The following RAP1GAP2 variants were observed in gnomAD, a reference collection of about 807,000 sequenced individuals.
The protein encoded by RAP1GAP2 is RAP1 GTPase activating protein 2.
A neutral mutation model predicts 95.0 loss-of-function variants in RAP1GAP2; 27 were observed. The observed-to-expected ratio is 0.28, with a 90% confidence interval of 0.21 to 0.39. RAP1GAP2 has a LOEUF of 0.39. Ranked by LOEUF, RAP1GAP2 falls within the 10% of genes least tolerant of loss-of-function variation. The pLI, the probability that RAP1GAP2 is intolerant of heterozygous loss-of-function variation, is 1.00. For synonymous variants in RAP1GAP2, 373 were observed against 380.9 expected, an observed-to-expected ratio of 0.98 and a Z score of 0.24; for missense variants, 771 against 970.0, an observed-to-expected ratio of 0.79 and a Z score of 2.72.
At chr17:2,842,624 C>G (rs1018158242) in intron 2 of RAP1GAP2, among the ~76,000 whole-genome samples, 1 of 151,878 alleles carries the variant, frequency 6.6e-6, no homozygotes, top group African/African-American at 2.4e-5. Flanking sequence ...CCTAGAGTTG[C>G]CTAAAAGCCG....
chr17:2,855,948 A>G lies in RAP1GAP2; in HGVS notation c.81-49336A>G, dbSNP rs974996758. Among the ~76,000 whole-genome samples, 1 of 152,194 alleles carries G rather than the reference A, an allele frequency of 6.6e-6. No homozygotes were observed. Among genetic ancestry groups the G allele is most frequent in the African/African-American group, 2.4e-5 (1 of 41,442 alleles). On this transcript the variant is annotated intron_variant, in intron 2 of 24. Coordinates refer to ENST00000254695, the MANE Select transcript of RAP1GAP2 (RefSeq NM_015085.5). The surrounding 1 kb of genome is among the most constrained non-coding windows in gnomAD (Gnocchi z 4.3). ...CTATTTAATAGAAATAGTAGTAATA[A>G]TAATACAAGTGTTAACAAATATAGT...
At chr17:2,993,328 C>T in intron 12 of RAP1GAP2, among the ~76,000 whole-genome samples, 1 of 151,842 alleles carries the variant, frequency 6.6e-6, no homozygotes, top group Admixed American at 6.6e-5. Flanking sequence ...AACCCCAGCA[C>T]TTTGGGAGGC....
chr17:2,786,634 T>C (rs915472401), intron 1 of RAP1GAP2, among the ~76,000 whole-genome samples: 4 of 143,952 alleles, frequency 2.8e-5, no homozygotes, highest in Non-Finnish European at 6.0e-5. Context: ...TCTTTTTTTT[T>C]CTTCAATTTT....
intron 3 of RAP1GAP2, among the ~76,000 whole-genome samples, chr17:2,921,797 G>A (rs1044141820): frequency 4.6e-5 from 7 of 151,966 alleles, no homozygotes; most frequent in Admixed American, 1.3e-4. Context: ...AGGCTCGAGG[G>A]GAAGCTCCTT....
chr17:2,835,649 C>G (rs2071096580), intron 2 of RAP1GAP2, among the ~76,000 whole-genome samples: 1 of 152,174 alleles, frequency 6.6e-6, no homozygotes, highest in Non-Finnish European at 1.5e-5. Flanking sequence ...CATTGGAGCC[C>G]AGGAGTTTGA....
In RAP1GAP2 at chr17:2,789,623, A is replaced by C. The variant is rs886970998; in HGVS notation, c.-13-10892A>C. ...AGTCTCTACTAAAAAAAAAAAAAAA[A>C]AAAAAAACATTAGCCAGGCATGGTG... On this transcript the variant is annotated intron_variant, in intron 1 of 24. Coordinates refer to the RAP1GAP2 transcript ENST00000540393. Among the ~76,000 whole-genome samples, 20 of 150,400 alleles carry C rather than the reference A, an allele frequency of 1.3e-4. No individual in the cohort carries two copies. In the East Asian group the frequency reaches 1.8e-3, roughly 13 times the overall value.
At position 3,037,645 on chromosome 17, in the gene RAP1GAP2, A is replaced by G. The variant is rs905688379; in HGVS notation, c.*4284A>G. 1.3e-5 allele frequency: 2 copies of G among 152,488 alleles called. No homozygotes were observed. The highest frequency in any genetic ancestry group is 4.8e-5 in the African/African-American group (2 of 41,408). The allele number at this position is 152,488 out of a possible 1,614,324, so 9.4% of individuals were successfully genotyped here. ...CTATGGTAGCACATTGTATTTGTTA[A>G]TGTACAAAACAAATTCTAAAAGGTT... On this transcript the variant is annotated 3_prime_UTR_variant, in exon 25 of 25. Coordinates refer to ENST00000254695, the MANE Select transcript of RAP1GAP2 (RefSeq NM_015085.5).
chr17:2,762,748 G>A lies in RAP1GAP2; in HGVS notation c.50+6981G>A, dbSNP rs143185647. Among the ~76,000 whole-genome samples, 176 of 150,368 alleles carry A rather than the reference G, an allele frequency of 1.2e-3. 1 individual carries two copies. The East Asian group carries it at 0.016, about 14-fold the overall frequency. On this transcript the variant is annotated intron_variant, in intron 1 of 25. Transcript: ENST00000637138. ...AAATTTTGTGGGGACACAAAAATTC[G>A]GGCCCTAGCACTGGGTCTCGTCACT...
intron 8 of RAP1GAP2, among the ~76,000 whole-genome samples, chr17:2,971,014 G>A (rs1280464472): frequency 6.6e-6 from 1 of 152,146 alleles, no homozygotes; most frequent in Non-Finnish European, 1.5e-5. Flanking sequence ...CAGCCTGGGT[G>A]ACAGAACAAG....
rs2046833556 is a variant in RAP1GAP2, at chr17:3,018,029, C to T, written c.1495-32C>T. ...CAGAGTCATCCGGAGAGCCCGGGTG[C>T]TGATTCTCAGGCCCTTGTTCTCTCC... On this transcript the variant is annotated intron_variant, in intron 17 of 24. Transcript: ENST00000254695. The T allele has an allele frequency of 3.9e-6, 6 of 1,555,754 alleles. No homozygotes were observed. The East Asian group carries it at 9.7e-5, about 25-fold the overall frequency.
intron 2 of RAP1GAP2, among the ~76,000 whole-genome samples, chr17:2,803,752 G>A (rs781045388): frequency 5.3e-5 from 8 of 152,134 alleles, no homozygotes; most frequent in African/African-American, 1.2e-4. Flanking sequence ...GGTGGTGTGC[G>A]CCTGTAGCCC....
intron 22 of RAP1GAP2, among the ~76,000 whole-genome samples, chr17:3,030,028 T>A (rs1421255830): frequency 6.7e-6 from 1 of 148,998 alleles, no homozygotes; most frequent in African/African-American, 2.4e-5. Flanking sequence ...TGTTAATAAG[T>A]ATTTTATATG....
chr17:2,770,886 C>A (rs2068377195), intron 2 of RAP1GAP2, among the ~76,000 whole-genome samples: 1 of 151,940 alleles, frequency 6.6e-6, no homozygotes, highest in Admixed American at 6.6e-5. Context: ...ACTAAAAATA[C>A]AAAAATTAGC....
At position 3,035,879 on chromosome 17, in the gene RAP1GAP2, A is replaced by G. The variant is rs2047454710; in HGVS notation, c.*2518A>G. On this transcript the variant is annotated 3_prime_UTR_variant, in exon 25 of 25. Coordinates refer to ENST00000254695, the MANE Select transcript of RAP1GAP2 (RefSeq NM_015085.5). This position sits in a 1 kb window ranked among gnomAD's most constrained non-coding sequence, Gnocchi z 4.3. ...ATGCTGCGCCCAGTCTTGGGGCTCA[A>G]AGATTTGCCCAAACCTCATTGGCCC... 1 of 152,206 alleles carries G rather than the reference A, an allele frequency of 6.6e-6. No individual in the cohort carries two copies. The highest frequency in any genetic ancestry group is 6.5e-5 in the Admixed American group (1 of 15,280). The allele number at this position is 152,206 out of a possible 1,614,324, so 9.4% of individuals were successfully genotyped here.
At chr17:2,795,094 T>C (rs1390150147), upstream of RAP1GAP2, among the ~76,000 whole-genome samples, 1 of 151,978 alleles carries the variant, frequency 6.6e-6, no homozygotes, top group Non-Finnish European at 1.5e-5. Context: ...GCCAGGCTGG[T>C]CTCGAACTCC....
At chr17:2,853,018 C>T (rs967041069) in intron 2 of RAP1GAP2, among the ~76,000 whole-genome samples, 1 of 151,940 alleles carries the variant, frequency 6.6e-6, no homozygotes, top group African/African-American at 2.4e-5. Context: ...GTGGGGGGCG[C>T]CCGGCCCGCC....
intron 8 of RAP1GAP2, among the ~76,000 whole-genome samples, chr17:2,970,252 C>T (rs1004826214): frequency 6.4e-5 from 8 of 124,284 alleles, no homozygotes; most frequent in East Asian, 2.5e-4. Context: ...TCGGCCTGGG[C>T]GACAGAGTGA....
intron 3 of RAP1GAP2, among the ~76,000 whole-genome samples, chr17:2,937,116 G>T (rs901764598): frequency 1.3e-5 from 2 of 152,162 alleles, no homozygotes; most frequent in Non-Finnish European, 2.9e-5. Context: ...CAGACCAAGA[G>T]GGCTTCCTGG....
At chr17:2,770,082 A>AAAC (rs1256780548) in intron 1 of RAP1GAP2, among the ~76,000 whole-genome samples, 3 of 151,164 alleles carry the variant, frequency 2.0e-5, no homozygotes, top group African/African-American at 7.3e-5. Context: ...CAAAACAAAA[A>AAAC]AAAAAAAAAA....
Sources: allele counts gnomAD v4.1 joint callset (sites outside exome capture counted in the v4.1 genomes callset), GRCh38; gene constraint gnomAD v4.1.1; non-coding constraint Gnocchi (gnomAD v3.1); transcripts MANE v1.5; gene names NCBI Gene and HGNC (gene_info 2026-07-23, HGNC 2026-07-21).